Variants in TECTA observed in about 807,000 individuals in gnomAD.
TECTA encodes the protein tectorin alpha, also known as alpha-tectorin.
A neutral mutation model predicts 216.8 loss-of-function variants in TECTA; 128 were observed. The observed-to-expected ratio is 0.59, with a 90% CI of 0.51 to 0.68. The LOEUF (loss-of-function observed/expected upper bound fraction) is 0.68, where lower values mean the gene tolerates loss of function less well. TECTA is among the 30% of genes least tolerant of loss of function. The pLI is 0.00. For missense variants in TECTA, 2,551 were observed against 2,786.2 expected (o/e 0.92, Z 1.90); for synonymous variants, 1,089 against 1,117.1 (o/e 0.97, Z 0.50).
Position 121,157,887 on chromosome 11 carries a change from G to A in TECTA, c.4352G>A (p.Cys1451Tyr), listed in dbSNP as rs1946957815. The A allele has an allele frequency of 6.2e-7, 1 of 1,614,254 alleles. No individual in the cohort carries two copies. Among genetic ancestry groups the A allele is most frequent in the Non-Finnish European group, 8.5e-7 (1 of 1,180,046 alleles). The change falls in exon 14 of 24, where the codon TGT (cysteine) becomes TAT (tyrosine). Residue 1451 changes from cysteine to tyrosine, a missense_variant. Coordinates refer to ENST00000392793, the MANE Select transcript of TECTA (RefSeq NM_005422.4). ...AGCGACTGCACGCGGCGCTGCCGCT[G>A]TTTCCGTCGCAACGTGATTCAGTGC... Reference protein sequence around the residue: ...WNSDCTRRCRCFRRNVIQCDP... With the variant: ...WNSDCTRRCRYFRRNVIQCDP...
chr11:121,144,343 G>A (rs1946813998), intron 11 of TECTA, among the ~76,000 whole-genome samples: 1 of 152,122 alleles, frequency 6.6e-6, no homozygotes, highest in African/African-American at 2.4e-5. Context: ...ACAATCCTGG[G>A]GCCAGGGGGA....
rs551375584 is a variant in TECTA at position 121,177,001 on chromosome 11, C to T, written c.5999+8076C>T. On this transcript the variant is annotated intron_variant, in intron 20 of 23. Coordinates refer to ENST00000392793, the MANE Select transcript of TECTA (RefSeq NM_005422.4). ...AGGCTTCTGCATTCTTCACGTAGTT[C>T]TTGAGCCTTGGCTTTCAGCTCCATC... Among the ~76,000 whole-genome samples the T allele has an allele frequency of 5.3e-5, 8 of 152,340 alleles. No homozygotes were observed. In the South Asian group the frequency reaches 1.7e-3, roughly 32 times the overall value.
chr11:121,166,114 A>G (rs1947050582), intron 17 of TECTA, among the ~76,000 whole-genome samples: 1 of 152,236 alleles, frequency 6.6e-6, no homozygotes, highest in African/African-American at 2.4e-5. Context: ...GTGCCTTGCC[A>G]TGTCAAAAAG....
intron 20 of TECTA, among the ~76,000 whole-genome samples, chr11:121,183,694 TC>T (rs1947253935): frequency 1.3e-5 from 2 of 152,194 alleles, no homozygotes; most frequent in African/African-American, 2.4e-5. Context: ...ACCACTGCAC[TC>T]CAGCCTGGCG....
At chr11:121,122,672 C>CAAAAA (rs33994765) in intron 7 of TECTA, among the ~76,000 whole-genome samples, 10 of 48,904 alleles carry the variant, frequency 2.0e-4, no homozygotes, top group East Asian at 6.4e-4. Context: ...CCTGTCTCTC[C>CAAAAA]AAAAAAAAAA....
chr11:121,106,774 C>G (rs1946394535), intron 3 of TECTA, among the ~76,000 whole-genome samples: 1 of 152,174 alleles, frequency 6.6e-6, no homozygotes, highest in African/African-American at 2.4e-5. Flanking sequence ...TTTATGGCTC[C>G]GGGATGATTC....
chr11:121,118,491 G>T lies in TECTA; in HGVS notation c.976G>T (p.Gly326Trp). 1 of 1,614,182 alleles carries T rather than the reference G, an allele frequency of 6.2e-7. No homozygotes were observed. The highest frequency in any genetic ancestry group is 8.5e-7 in the Non-Finnish European group (1 of 1,180,040). Residue 326 changes from glycine (G) to tryptophan (W), a missense_variant, in exon 7 of 24, where the codon GGG (glycine) becomes TGG (tryptophan). By Grantham distance (184) the Gly-to-Trp change is radical (BLOSUM62 -2). Transcript: ENST00000392793. ...AVETSTCVVFGEPHYHTFDGF... is the reference protein window; with the variant it reads ...AVETSTCVVFWEPHYHTFDGF... ...GGAGACCAGCACATGCGTGGTGTTTGGGGAGCCACACTACCACACTTTTGA... is the reference window on the plus strand; with the variant it reads ...GGAGACCAGCACATGCGTGGTGTTTTGGGAGCCACACTACCACACTTTTGA...
rs1229070290 is a variant in TECTA at position 121,162,330 on chromosome 11, CG to C, written c.5235del (p.Ile1746SerfsTer59). On this transcript the variant is annotated frameshift_variant, in exon 16 of 24. Transcript: ENST00000392793. LOFTEE classifies it high-confidence loss of function. ...AAYGEACRSF[G>X]ILSTEWIEKE... is the part of the protein sequence containing the mutation. The stretch of plus-strand genomic sequence containing the variant: ...CCTACGGGGAGGCCTGCCGCTCCTT[CG>C]GGATCCTTAGCACCGAGTGGATTGA... 5.6e-6 allele frequency: 9 copies of C among 1,613,592 alleles called. No homozygotes were observed. Among genetic ancestry groups the C allele is most frequent in the Non-Finnish European group, 7.6e-6 (9 of 1,180,058 alleles).
chr11:121,183,712 C>T (rs1947254222), intron 20 of TECTA, among the ~76,000 whole-genome samples: 1 of 152,162 alleles, frequency 6.6e-6, no homozygotes, highest in Admixed American at 6.5e-5. Context: ...GGCGACAGAG[C>T]AAGACTCCAT....
chr11:121,138,119 C>G lies in TECTA; in HGVS notation c.3543+97C>G, dbSNP rs186433856. Reference sequence around the variant, plus strand: ...CAGCTGAATCAGGCAGGTCCGGAATCCAAAGAAAATCTTAGTATATTAAAG... The same window carrying G: ...CAGCTGAATCAGGCAGGTCCGGAATGCAAAGAAAATCTTAGTATATTAAAG... On this transcript the variant is annotated intron_variant, in intron 11 of 23. Coordinates refer to ENST00000392793, the MANE Select transcript of TECTA (RefSeq NM_005422.4). 3 of 1,550,526 alleles carry G rather than the reference C, an allele frequency of 1.9e-6. No individual in the cohort carries two copies. In the Admixed American group the frequency reaches 5.3e-5, roughly 27 times the overall value.
chr11:121,146,077 G>A lies in TECTA; in HGVS notation c.4066G>A (p.Gly1356Arg). 1 of 1,612,372 alleles carries A rather than the reference G, an allele frequency of 6.2e-7. No homozygotes were observed. Among genetic ancestry groups the A allele is most frequent in the Non-Finnish European group, 8.5e-7 (1 of 1,180,042 alleles). ...QNYASTCQTQ[G>R]ITVTGWRNYT... The stretch of plus-strand genomic sequence containing the variant: ...CTACGCCAGCACCTGCCAGACTCAG[G>A]GGATTACGGTGACTGGCTGGAGGAA... The change falls in exon 12 of 24, where the codon GGG (glycine) becomes AGG (arginine). Residue 1356 changes from glycine (G) to arginine (R), a missense_variant. This residue lies in a region of TECTA where 2,375 missense variants were observed against 2,563.9 expected (regional missense o/e 0.93). Transcript: ENST00000392793.
chr11:121,136,187 C>G (rs1345671888), intron 10 of TECTA, among the ~76,000 whole-genome samples: 3 of 152,096 alleles, frequency 2.0e-5, no homozygotes, highest in Non-Finnish European at 4.4e-5. Context: ...TCTTGAACTC[C>G]TGACCTCAGG....
chr11:121,146,701 C>G (rs1946841821), intron 12 of TECTA, among the ~76,000 whole-genome samples: 1 of 152,162 alleles, frequency 6.6e-6, no homozygotes, highest in African/African-American at 2.4e-5. Flanking sequence ...GTTTCCCCTT[C>G]CATAAAGCAG....
intron 11 of TECTA, among the ~76,000 whole-genome samples, chr11:121,139,652 T>G (rs138279914): frequency 0.013 from 2,037 of 151,506 alleles, 20 homozygotes; most frequent in South Asian, 0.022. Context: ...ATTGCGCCAT[T>G]GCACTCCAGC....
At chr11:121,117,901 T>C (rs1054492949) in intron 6 of TECTA, among the ~76,000 whole-genome samples, 11 of 152,168 alleles carry the variant, frequency 7.2e-5, no homozygotes, top group Non-Finnish European at 1.5e-4. Flanking sequence ...AAACAGTGAG[T>C]GTTGCCGAGT....
chr11:121,145,839 C>T lies in TECTA; in HGVS notation c.3828C>T (p.Phe1276=), dbSNP rs758102910. 1 of 1,614,232 alleles carries T rather than the reference C, an allele frequency of 6.2e-7. No homozygotes were observed. The highest frequency in any genetic ancestry group is 2.2e-5 in the East Asian group (1 of 44,888). Residue 1276 remains phenylalanine (F), a synonymous_variant, in exon 12 of 24, where the codon TTC becomes TTT. Coordinates refer to ENST00000392793, the MANE Select transcript of TECTA (RefSeq NM_005422.4). Reference sequence around the variant, plus strand: ...AGAGCTGGGTGAAGAGGGACACCTTCTGCCAGGTGGGCTGTGGGGACCGCT... The same window carrying T: ...AGAGCTGGGTGAAGAGGGACACCTTTTGCCAGGTGGGCTGTGGGGACCGCT... ...FGQSWVKRDT[F]CQVGCGDRCP...
intron 22 of TECTA, 130 bp from the exon 23 acceptor site, chr11:121,189,634 A>G: frequency 4.7e-6 from 4 of 853,216 alleles, no homozygotes; most frequent in Non-Finnish European, 7.9e-6. Flanking sequence ...TCGGCCTCCC[A>G]AAGTGCTGGG....
chr11:121,191,172 C>T lies in TECTA; in HGVS notation c.*366C>T. On this transcript the variant is annotated 3_prime_UTR_variant, in exon 24 of 24. Coordinates refer to ENST00000392793, the MANE Select transcript of TECTA (RefSeq NM_005422.4). ...TCAAGCCAGTGCTATTTCTGGATCA[C>T]AGTTTTTTACAGAGAGAGGGCCTGT... 3.2e-6 allele frequency: 1 copy of T among 315,534 alleles called. No homozygotes were observed. The highest frequency in any genetic ancestry group is 6.1e-6 in the Non-Finnish European group (1 of 163,632). The allele number at this position is 315,534 out of a possible 1,614,324, so 19.5% of individuals were successfully genotyped here. A position where few individuals can be genotyped will look rare whatever the true frequency, so the allele number is the denominator to read the frequency against.
At chr11:121,129,286 C>T (rs1276345902) in intron 9 of TECTA, among the ~76,000 whole-genome samples, 1 of 152,144 alleles carries the variant, frequency 6.6e-6, no homozygotes, top group Non-Finnish European at 1.5e-5. Context: ...GCCAGAAAGG[C>T]AGGGAAGGAG....
Sources: allele counts gnomAD v4.1 joint callset (sites outside exome capture counted in the v4.1 genomes callset), GRCh38; gene constraint gnomAD v4.1.1; regional missense constraint gnomAD v4.1.1; transcripts MANE v1.5; gene names NCBI Gene and HGNC (gene_info 2026-07-23, HGNC 2026-07-21).